The following JAK2 variants were observed in gnomAD, a reference collection of about 807,000 sequenced individuals.
The protein encoded by JAK2 is Janus kinase 2.
A neutral mutation model predicts 139.3 loss-of-function variants in JAK2; 86 were observed. That is an observed-to-expected ratio of 0.62 (90% CI 0.52 to 0.74). The LOEUF (loss-of-function observed/expected upper bound fraction) is 0.74. Ranked by LOEUF, JAK2 falls within the 30% of genes least tolerant of loss-of-function variation. The pLI is 0.00. For missense variants in JAK2, 1,421 were observed against 1,360.3 expected, an observed-to-expected ratio of 1.04 and a Z score of -0.70; for synonymous variants, 490 against 437.7, an observed-to-expected ratio of 1.12 and a Z score of -1.49.
chr9:5,102,176 C>G (rs913170910), intron 22 of JAK2, among the ~76,000 whole-genome samples: 2 of 152,100 alleles, frequency 1.3e-5, no homozygotes, highest in African/African-American at 2.4e-5. Context: ...CTACAATAAA[C>G]AGTGTAGAGA....
chr9:5,073,482 A>G (rs997456172), intron 13 of JAK2, among the ~76,000 whole-genome samples: 1 of 151,992 alleles, frequency 6.6e-6, no homozygotes, highest in African/African-American at 2.4e-5. Flanking sequence ...GCTCTCTCTC[A>G]CTTTGATCTC....
At chr9:5,096,272 G>C (rs1820978140) in intron 22 of JAK2, among the ~76,000 whole-genome samples, 1 of 152,150 alleles carries the variant, frequency 6.6e-6, no homozygotes, top group South Asian at 2.1e-4. Flanking sequence ...TAGAAATTTA[G>C]GTTAAATAAG....
At chr9:5,040,876 C>T (rs62541542) in intron 4 of JAK2, 18,022 of 249,792 alleles carry the variant, frequency 0.072, 864 homozygotes, top group Non-Finnish European at 0.088. Flanking sequence ...GAGCGCGGAT[C>T]CGCGCCGCGC....
intron 16 of JAK2, 84 bp downstream of exon 16, chr9:5,078,528 A>G (rs751559044): frequency 6.3e-5 from 62 of 976,498 alleles, no homozygotes; most frequent in Non-Finnish European, 8.9e-5. Flanking sequence ...TTTTCCTTGA[A>G]TTCCATTTAA....
intron 22 of JAK2, chr9:5,114,320 G>T: frequency 1.8e-6 from 1 of 542,494 alleles, no homozygotes; most frequent in Non-Finnish European, 3.6e-6. Context: ...CCAGTGGGAA[G>T]TCTGTGGCTC....
At chr9:5,113,423 TTAA>T (rs1822826242) in intron 22 of JAK2, 1 of 82,444 alleles carries the variant, frequency 1.2e-5, no homozygotes, top group Non-Finnish European at 2.3e-5. Flanking sequence ...CATTAGTTAT[TTAA>T]AAAAAAAAAA....
chr9:5,113,259 CTT>C (rs1299761596), intron 22 of JAK2, among the ~76,000 whole-genome samples: 1 of 126,834 alleles, frequency 7.9e-6, no homozygotes, highest in Non-Finnish European at 1.6e-5. Context: ...AAAACATACA[CTT>C]TGTCAGAAAA....
At chr9:5,068,623 A>G (rs997304426) in intron 10 of JAK2, among the ~76,000 whole-genome samples, 1 of 152,252 alleles carries the variant, frequency 6.6e-6, no homozygotes, top group Non-Finnish European at 1.5e-5. Flanking sequence ...GTCATTTAAT[A>G]TGGCTGGAAC....
intron 6 of JAK2, among the ~76,000 whole-genome samples, chr9:5,051,850 T>G (rs1817435659): frequency 6.6e-6 from 1 of 152,144 alleles, no homozygotes; most frequent in African/African-American, 2.4e-5. Context: ...ATTTCTCTCT[T>G]TGGTTTTAAA....
rs1820420163 is a variant in JAK2 at position 5,089,692 on chromosome 9, G to C, written c.2590G>C (p.Glu864Gln). Residue 864 changes from glutamate to glutamine, a missense_variant, in exon 20 of 25, where the codon GAG becomes CAG. By Grantham distance (29) the Glu-to-Gln change is conservative (BLOSUM62 2). Transcript: ENST00000381652. The part of the protein sequence containing the change: ...QLGKGNFGSV[E>Q]MCRYDPLQDN... The stretch of plus-strand genomic sequence containing the variant: ...CATTTAGGGTAATTTTGGGAGTGTG[G>C]AGATGTGCCGGTATGACCCTCTACA... 2.8e-6 allele frequency: 4 copies of C among 1,415,058 alleles called. No individual in the cohort carries two copies. Among genetic ancestry groups the C allele is most frequent in the Non-Finnish European group, 3.7e-6 (4 of 1,076,800 alleles). The allele number at this position is 1,415,058 out of a possible 1,614,324, so 87.7% of individuals were successfully genotyped here. A position where few individuals can be genotyped will look rare whatever the true frequency, so the allele number is the denominator to read the frequency against.
chr9:5,086,964 A>G (rs1820164864), intron 19 of JAK2, among the ~76,000 whole-genome samples: 1 of 152,086 alleles, frequency 6.6e-6, no homozygotes, highest in African/African-American at 2.4e-5. Flanking sequence ...CACTTTCCCT[A>G]TTATTTCCTA....
chr9:5,050,748 A>C lies in JAK2; in HGVS notation c.531A>C (p.Glu177Asp). 1 of 1,613,530 alleles carries C rather than the reference A, an allele frequency of 6.2e-7. No individual in the cohort carries two copies. The highest frequency in any genetic ancestry group is 1.1e-5 in the South Asian group (1 of 91,076). ...CTGTGACTCATGAAACACAGGAAGA[A>C]TGTCTTGGGATGGCAGTGTTAGATA... ...KVPVTHETQEECLGMAVLDMM... is the reference protein window; with the variant it reads ...KVPVTHETQEDCLGMAVLDMM... Residue 177 changes from glutamate (E) to aspartate (D), a missense_variant, in exon 6 of 25, where the codon GAA (glutamate) becomes GAC (aspartate). Coordinates refer to ENST00000381652, the MANE Select transcript of JAK2 (RefSeq NM_004972.4).
chr9:5,064,923 T>C lies in JAK2; in HGVS notation c.1097T>C (p.Val366Ala). The C allele has an allele frequency of 6.3e-7, 1 of 1,597,192 alleles. No homozygotes were observed. The highest frequency in any genetic ancestry group is 8.5e-7 in the Non-Finnish European group (1 of 1,171,530). Residue 366 changes from valine to alanine, a missense_variant, in exon 9 of 25, where the codon GTG becomes GCG. Val to Ala is a moderately conservative substitution (Grantham distance 64). Transcript: ENST00000381652. ...LSSLREALSFVSLIDGYYRLT... is the reference protein window; with the variant it reads ...LSSLREALSFASLIDGYYRLT... ...TCATTAAGGGAAGCTTTGTCTTTCG[T>C]GTCATTAATTGATGGATATTATAGA...
In JAK2 at chr9:5,113,219, T is replaced by C. The variant is rs28370387; in HGVS notation, c.3060-9785T>C. Among the ~76,000 whole-genome samples, 767 of 92,718 alleles carry C rather than the reference T, an allele frequency of 8.3e-3. 13 individuals are homozygous for C. The highest frequency in any genetic ancestry group is 0.03 in the African/African-American group (588 of 19,602). 60.8% of individuals were successfully genotyped at this position (92,718 alleles called of 152,430 possible). On this transcript the variant is annotated intron_variant, in intron 22 of 24. Transcript: ENST00000381652. ...TTTTTTTTTTTTTTTTTTTTTTTTT[T>C]CCAGTAAACAAAACCTGAATGCAAG...
intron 22 of JAK2, chr9:5,111,074 G>C (rs529614068): frequency 8.2e-7 from 1 of 1,216,018 alleles, no homozygotes; most frequent in Non-Finnish European, 1.2e-6. Context: ...AACTGGCCCA[G>C]CTCAGGCTCC....
intron 4 of JAK2, chr9:5,041,972 G>A (rs1288419140): frequency 5.4e-6 from 2 of 371,604 alleles, no homozygotes; most frequent in East Asian, 1.4e-4. Flanking sequence ...GCCCCTTGGG[G>A]AGCGAGCTTG....
chr9:5,106,025 G>A (rs577240149), intron 22 of JAK2, among the ~76,000 whole-genome samples: 2 of 152,130 alleles, frequency 1.3e-5, no homozygotes, highest in East Asian at 3.9e-4. Context: ...TGATGAAAAC[G>A]CCAGAAACAA....
chr9:5,022,305 TA>T (rs1232983685), intron 3 of JAK2, 92 bp downstream of exon 3: 2 of 767,042 alleles, frequency 2.6e-6, no homozygotes, highest in Non-Finnish European at 4.1e-6. Context: ...TATATATTTT[TA>T]TTTTTTTAAT....
intron 6 of JAK2, 150 bp downstream of exon 6, chr9:5,050,981 G>C: frequency 1.3e-6 from 1 of 747,000 alleles, no homozygotes; most frequent in Non-Finnish European, 2.1e-6. Context: ...AAATGCTTCA[G>C]ATTTTGGATA....
Sources: gnomAD v4.1 joint callset for allele counts (sites outside exome capture counted in the v4.1 genomes callset) on GRCh38, gnomAD v4.1.1 for gene constraint, MANE v1.5 for transcripts, NCBI Gene and HGNC (gene_info 2026-07-23, HGNC 2026-07-21) for gene names.